BLK: variants seen among roughly 807,000 people sequenced by gnomAD.
The protein encoded by BLK is tyrosine-protein kinase Blk.
Under a neutral mutation model 61.8 loss-of-function variants are expected in BLK, and 64 were observed. The ratio of observed to expected loss-of-function variants is 1.03; its 90% CI spans 0.85 to 1.27. The LOEUF (loss-of-function observed/expected upper bound fraction) is 1.27, where lower values mean the gene tolerates loss of function less well. Among genes scored for constraint, BLK ranks in the 50% most tolerant of loss-of-function variants. The probability of loss-of-function intolerance (pLI) is 0.00; values close to 1 mark genes in which losing one functional copy is unlikely to be tolerated. For missense variants in BLK, 853 were observed against 660.5 expected, an observed-to-expected ratio of 1.29 and a Z score of -3.19; for synonymous variants, 351 against 272.0, an observed-to-expected ratio of 1.29 and a Z score of -2.86.
chr8:11,533,459 A>G (rs1799975670), intron 1 of BLK, among the ~76,000 whole-genome samples: 2 of 152,136 alleles, frequency 1.3e-5, no homozygotes, highest in Non-Finnish European at 2.9e-5. Context: ...AGAGAGGTTC[A>G]AGTCGTGACC....
chr8:11,551,596 G>A (rs572873081), intron 6 of BLK, among the ~76,000 whole-genome samples: 166 of 152,328 alleles, frequency 1.1e-3, no homozygotes, highest in South Asian at 1.9e-3. Context: ...GTTGAGGATG[G>A]TGAGCCTGTT....
chr8:11,540,870 A>G lies in BLK; in HGVS notation c.-1-2354A>G, dbSNP rs185643785. On this transcript the variant is annotated intron_variant, in intron 1 of 12. Transcript: ENST00000259089. The stretch of plus-strand genomic sequence containing the variant: ...CTCAAGAAGATAGAAAAAAAAAAAA[A>G]AGAGAGCTCCTCAATATCTGTTACA... Among the ~76,000 whole-genome samples, 831 of 152,084 alleles carry G rather than the reference A, an allele frequency of 5.5e-3. 9 individuals carry two copies. Among genetic ancestry groups the G allele is most frequent in the African/African-American group, 0.017 (694 of 41,492 alleles).
At chr8:11,504,090 G>A (rs183126616) in intron 1 of BLK, among the ~76,000 whole-genome samples, 3 of 152,262 alleles carry the variant, frequency 2.0e-5, no homozygotes, top group East Asian at 1.9e-4. Flanking sequence ...TTGGGAGGCC[G>A]AGGCAGGCGG....
chr8:11,532,955 A>T (rs1445054338), intron 1 of BLK, among the ~76,000 whole-genome samples: 1 of 152,234 alleles, frequency 6.6e-6, no homozygotes, highest in African/African-American at 2.4e-5. Context: ...CTTAAGCCTC[A>T]AGGAGCCTGA....
chr8:11,535,038 C>T (rs1260498648), intron 1 of BLK, among the ~76,000 whole-genome samples: 1 of 151,866 alleles, frequency 6.6e-6, no homozygotes, highest in Non-Finnish European at 1.5e-5. Context: ...ATTAGCCAGG[C>T]ATGGCAGCAC....
intron 6 of BLK, among the ~76,000 whole-genome samples, chr8:11,551,014 C>G (rs965512666): frequency 1.3e-5 from 2 of 152,150 alleles, no homozygotes; most frequent in Non-Finnish European, 2.9e-5. Flanking sequence ...CTTCCTGATT[C>G]AACCCCCACC....
intron 1 of BLK, chr8:11,509,480 A>T (rs1196880015): frequency 6.6e-6 from 1 of 152,138 alleles, no homozygotes. Context: ...GGCAGACTTG[A>T]ACTGCACGGG....
In BLK at chr8:11,555,337, G is replaced by T; in HGVS notation, c.625G>T (p.Gly209Trp). ...TCTTTTCTTCCCTAATGCAGAGAAG[G>T]GGGATGGTCTATGCCAGAGGCTGAC... is the stretch of plus-strand genomic sequence containing the variant. ...QALVQHYSKKGDGLCQRLTLP... is the reference protein window; with the variant it reads ...QALVQHYSKKWDGLCQRLTLP... Residue 209 changes from glycine (G) to tryptophan (W), a missense_variant, in exon 8 of 13, where the codon GGG becomes TGG. Transcript: ENST00000259089. 1 of 1,614,078 alleles carries T rather than the reference G, an allele frequency of 6.2e-7. No individual in the cohort carries two copies. Among genetic ancestry groups the T allele is most frequent in the Non-Finnish European group, 8.5e-7 (1 of 1,180,022 alleles).
At chr8:11,561,519 T>G (rs916969505) in intron 11 of BLK, 67 bp downstream of exon 11, 1 of 1,574,730 alleles carries the variant, frequency 6.4e-7, no homozygotes, top group African/African-American at 1.4e-5. Flanking sequence ...CAAAGCCGCC[T>G]TTAACTTCTC....
At position 11,555,435 on chromosome 8, in the gene BLK, C is replaced by T. The variant is rs149756811; in HGVS notation, c.723C>T (p.Leu241=). Residue 241 remains leucine, a synonymous_variant, in exon 8 of 13, where the codon CTC becomes CTT. Transcript: ENST00000259089. Reference sequence around the variant, plus strand: ...AATGGGAGATCCCCCGGCAGTCTCTCAGGCTGGTCAGGAAACTCGGGTCTG... The same window carrying T: ...AATGGGAGATCCCCCGGCAGTCTCTTAGGCTGGTCAGGAAACTCGGGTCTG... ...QDEWEIPRQS[L]RLVRKLGSGQ... is the part of the protein sequence containing the mutation. 1.2e-6 allele frequency: 2 copies of T among 1,614,082 alleles called. No individual in the cohort carries two copies. Among genetic ancestry groups the T allele is most frequent in the Non-Finnish European group, 1.7e-6 (2 of 1,180,036 alleles).
In BLK at chr8:11,564,349, T is replaced by G. The variant is rs1585428630; in HGVS notation, c.*241T>G. On this transcript the variant is annotated 3_prime_UTR_variant, in exon 13 of 13. Coordinates refer to ENST00000259089, the MANE Select transcript of BLK (RefSeq NM_001715.3). The stretch of plus-strand genomic sequence containing the variant: ...TTTGTAGAGGGCTGTAACAGTGACC[T>G]CGCACGGTCATCCGGAGTACTAAGC... 2.9e-6 allele frequency: 2 copies of G among 697,254 alleles called. No homozygotes were observed. The highest frequency in any genetic ancestry group is 5.4e-5 in the East Asian group (2 of 36,804). The allele number at this position is 697,254 out of a possible 1,614,324, so 43.2% of individuals were successfully genotyped here.
At chr8:11,557,898 G>A (rs1260770019) in intron 9 of BLK, 64 bp from the exon 10 acceptor site, 2 of 1,488,420 alleles carry the variant, frequency 1.3e-6, no homozygotes, top group African/African-American at 2.8e-5. Flanking sequence ...ACACCAGAGA[G>A]AGGCTGGCAC....
intron 2 of BLK, among the ~76,000 whole-genome samples, chr8:11,545,531 A>G (rs954576699): frequency 6.6e-6 from 1 of 152,216 alleles, no homozygotes; most frequent in Admixed American, 6.5e-5. Flanking sequence ...CCTGGGCAAC[A>G]GAGCGAGACT....
intron 10 of BLK, chr8:11,558,620 C>G (rs1010265466): frequency 4.4e-6 from 2 of 455,484 alleles, no homozygotes; most frequent in Admixed American, 4.7e-5. Context: ...CCTTGGCTAC[C>G]CAGGACTGGT....
At chr8:11,515,211 A>G (rs1799176742) in intron 1 of BLK, among the ~76,000 whole-genome samples, 1 of 152,144 alleles carries the variant, frequency 6.6e-6, no homozygotes, top group Non-Finnish European at 1.5e-5. Context: ...GCCACAGCAG[A>G]GAAGGAAGAT....
At chr8:11,543,815 T>TA (rs1800498845) in intron 2 of BLK, among the ~76,000 whole-genome samples, 3 of 152,148 alleles carry the variant, frequency 2.0e-5, no homozygotes, top group Admixed American at 6.5e-5. Flanking sequence ...ATGGGCATTT[T>TA]AAATGAGGAA....
chr8:11,515,841 T>C (rs991779189), intron 1 of BLK, among the ~76,000 whole-genome samples: 1 of 152,252 alleles, frequency 6.6e-6, no homozygotes, highest in South Asian at 2.1e-4. Context: ...ATTGCTTTAG[T>C]TGTTCATGAA....
At chr8:11,563,763 A>G in intron 12 of BLK, 140 bp from the exon 13 acceptor site, 1 of 783,242 alleles carries the variant, frequency 1.3e-6, no homozygotes, top group Non-Finnish European at 2.0e-6. Context: ...CAGGCAACGC[A>G]CGAGGCTGGA....
chr8:11,558,326 G>C (rs1271429166), intron 10 of BLK: 2 of 450,556 alleles, frequency 4.4e-6, no homozygotes, highest in Non-Finnish European at 8.3e-6. Flanking sequence ...AAGGAAGAGA[G>C]GGCGAATGAA....
Sources: gnomAD v4.1 joint callset for allele counts (sites outside exome capture counted in the v4.1 genomes callset) on GRCh38, gnomAD v4.1.1 for gene constraint, MANE v1.5 for transcripts, NCBI Gene and HGNC (gene_info 2026-07-23, HGNC 2026-07-21) for gene names.